The following TJP1 variants were observed in gnomAD, a reference collection of about 807,000 sequenced individuals.
The protein encoded by TJP1 is tight junction protein 1, also known as tight junction protein ZO-1.
Under a neutral mutation model 194.2 loss-of-function variants are expected in TJP1, and 43 were observed. The observed-to-expected ratio is 0.22, with a 90% CI of 0.17 to 0.29. The LOEUF (loss-of-function observed/expected upper bound fraction) is 0.29. Ranked by LOEUF, TJP1 falls within the 10% of genes least tolerant of loss-of-function variation. TJP1 has a pLI of 1.00. For missense variants in TJP1, 1,971 were observed against 2,185.7 expected (o/e 0.90, Z 1.96); for synonymous variants, 801 against 779.0 (o/e 1.03, Z -0.47).
chr15:29,808,223 G>A (rs1023856977), intron 1 of TJP1, among the ~76,000 whole-genome samples: 5 of 152,134 alleles, frequency 3.3e-5, no homozygotes, highest in African/African-American at 1.2e-4. Context: ...AGCCGAGATT[G>A]CACCACTGCA....
At chr15:29,790,043 A>C (rs890315566) in intron 2 of TJP1, among the ~76,000 whole-genome samples, 29 of 152,210 alleles carry the variant, frequency 1.9e-4, no homozygotes, top group African/African-American at 7.0e-4. Context: ...CCACTGCTCT[A>C]ATCAGCAGTC....
intron 8 of TJP1, among the ~76,000 whole-genome samples, chr15:29,754,021 A>T (rs2045481294): frequency 1.3e-5 from 2 of 152,196 alleles, no homozygotes; most frequent in African/African-American, 4.8e-5. Flanking sequence ...GAAACTCACC[A>T]ATCAGGGTAT....
intron 2 of TJP1, among the ~76,000 whole-genome samples, chr15:29,940,399 C>T (rs2055029397): frequency 6.6e-6 from 1 of 152,162 alleles, no homozygotes; most frequent in Non-Finnish European, 1.5e-5. Flanking sequence ...CAAAAAAGAA[C>T]ATGTGTAGAG....
intron 1 of TJP1, among the ~76,000 whole-genome samples, chr15:29,804,711 C>T (rs1361103596): frequency 2.0e-5 from 3 of 152,152 alleles, no homozygotes; most frequent in East Asian, 3.9e-4. Flanking sequence ...TCATTTCAAA[C>T]ATGCACAAGG....
chr15:29,728,186 T>C (rs1406300461), intron 15 of TJP1, 167 bp from the exon 16 acceptor site: 2 of 277,630 alleles, frequency 7.2e-6, no homozygotes, highest in Admixed American at 5.5e-5. Context: ...CATACTTCCC[T>C]TTTTTTTTTT....
intron 8 of TJP1, among the ~76,000 whole-genome samples, chr15:29,752,400 G>A (rs1218200382): frequency 6.6e-6 from 1 of 152,112 alleles, no homozygotes. Context: ...CATCGTGCCT[G>A]GCCTACTTTC....
chr15:29,945,276 T>G (rs539713050), intron 2 of TJP1, among the ~76,000 whole-genome samples: 1 of 152,216 alleles, frequency 6.6e-6, no homozygotes. Flanking sequence ...TGTGCCTAAG[T>G]AGGAATTATG....
At chr15:29,729,490 T>C (rs2043459395) in intron 15 of TJP1, 1 of 152,184 alleles carries the variant, frequency 6.6e-6, no homozygotes, top group South Asian at 2.1e-4. Context: ...GATGATGTTC[T>C]GATTCTTTAA....
chr15:29,898,498 A>T (rs2053544260), intron 2 of TJP1, among the ~76,000 whole-genome samples: 1 of 152,224 alleles, frequency 6.6e-6, no homozygotes, highest in African/African-American at 2.4e-5. Flanking sequence ...TTTTGAAAGC[A>T]ACAACTTATT....
intron 2 of TJP1, among the ~76,000 whole-genome samples, chr15:29,829,346 T>C (rs1248595513): frequency 6.6e-6 from 1 of 152,214 alleles, no homozygotes; most frequent in African/African-American, 2.4e-5. Flanking sequence ...AAAACTATTT[T>C]GGACATGTTA....
intron 1 of TJP1, among the ~76,000 whole-genome samples, chr15:29,806,344 T>TAGTA (rs1419806818): frequency 1.3e-5 from 2 of 152,210 alleles, no homozygotes; most frequent in African/African-American, 4.8e-5. Flanking sequence ...CACTACTTAC[T>TAGTA]GTCCAGAGAA....
At chr15:29,946,996 T>C (rs1314801519) in intron 2 of TJP1, among the ~76,000 whole-genome samples, 1 of 152,244 alleles carries the variant, frequency 6.6e-6, no homozygotes. Flanking sequence ...TAAATCTTTT[T>C]GTATTTTAAC....
chr15:29,907,963 C>T (rs1193094942), intron 2 of TJP1, among the ~76,000 whole-genome samples: 1 of 143,466 alleles, frequency 7.0e-6, no homozygotes, highest in Non-Finnish European at 1.5e-5. Flanking sequence ...AACAACAGTG[C>T]TCTTGGAAAC....
chr15:29,842,699 G>A (rs1428430275), intron 2 of TJP1, among the ~76,000 whole-genome samples: 1 of 152,190 alleles, frequency 6.6e-6, no homozygotes, highest in African/African-American at 2.4e-5. Context: ...TGTAAAGGAA[G>A]GCCAATATAT....
rs1297286358 is a variant in TJP1, at chr15:29,761,291, T to G, written c.863-5A>C. 6.2e-7 allele frequency: 1 copy of G among 1,613,732 alleles called. No homozygotes were observed. Among genetic ancestry groups the G allele is most frequent in the African/African-American group, 1.3e-5 (1 of 74,894 alleles). ...GTGACTGAATTTCTGAAATGTCTGT[T>G]AATAAAAGGGTGCTACTTATTTTCC... On this transcript the variant is annotated splice_region_variant and splice_polypyrimidine_tract_variant and intron_variant, in intron 7 of 27. Coordinates refer to ENST00000614355, the MANE Select transcript of TJP1 (RefSeq NM_001330239.4).
intron 2 of TJP1, among the ~76,000 whole-genome samples, chr15:29,787,587 G>T (rs2151783598): frequency 6.6e-6 from 1 of 152,180 alleles, no homozygotes; most frequent in African/African-American, 2.4e-5. Flanking sequence ...TCTTATAAAT[G>T]GAATCACATA....
intron 25 of TJP1, among the ~76,000 whole-genome samples, chr15:29,706,607 G>GA (rs968747509): frequency 3.9e-5 from 6 of 152,156 alleles, no homozygotes; most frequent in African/African-American, 1.4e-4. Context: ...TAAAATCCAT[G>GA]AAATTGGAAC....
In TJP1 at chr15:29,701,419, T is replaced by C. The variant is rs1426557471; in HGVS notation, c.*176A>G. On this transcript the variant is annotated 3_prime_UTR_variant, in exon 28 of 28. Transcript: ENST00000614355. Reference sequence around the variant, plus strand: ...AATCACAAACATGCAGTGTGTAGCATGTTTTCCGACCATGGTTCAGGGGCA... The same window carrying C: ...AATCACAAACATGCAGTGTGTAGCACGTTTTCCGACCATGGTTCAGGGGCA... The C allele has an allele frequency of 3.7e-6, 2 of 534,408 alleles. No individual in the cohort carries two copies. Among genetic ancestry groups the C allele is most frequent in the Non-Finnish European group, 6.7e-6 (2 of 300,360 alleles). 33.1% of individuals were successfully genotyped at this position (534,408 alleles called of 1,614,324 possible).
chr15:29,829,084 ATG>A (rs1483909858), intron 2 of TJP1, among the ~76,000 whole-genome samples: 1 of 152,084 alleles, frequency 6.6e-6, no homozygotes, highest in East Asian at 1.9e-4. Flanking sequence ...GGCCGGCTCT[ATG>A]TGTGTGTGTT....
Sources: gnomAD v4.1 joint callset for allele counts (sites outside exome capture counted in the v4.1 genomes callset) on GRCh38, gnomAD v4.1.1 for gene constraint, MANE v1.5 for transcripts, NCBI Gene and HGNC (gene_info 2026-07-23, HGNC 2026-07-21) for gene names.